Variants in AP3S1 observed in about 807,000 individuals in gnomAD.
AP3S1 encodes adaptor related protein complex 3 subunit sigma 1.
AP3S1 carries 12 observed loss-of-function variants against 21.3 expected under a neutral mutation model. The observed-to-expected ratio is 0.56, with a 90% CI of 0.36 to 0.91. The LOEUF is 0.91. AP3S1 is among the 40% of genes least tolerant of loss of function. AP3S1 has a pLI of 0.01. For synonymous variants in AP3S1, 48 were observed against 78.4 expected, an observed-to-expected ratio of 0.61 and a Z score of 2.05; for missense variants, 116 against 225.0, an observed-to-expected ratio of 0.52 and a Z score of 3.10.
At chr5:115,865,166 G>A (rs75914078) in intron 1 of AP3S1, among the ~76,000 whole-genome samples, 5,011 of 151,888 alleles carry the variant, frequency 0.033, 274 homozygotes, top group African/African-American at 0.11. Context: ...ACCTCTCCTC[G>A]TCCTCTGCTT....
chr5:115,853,217 G>C (rs1762569128), intron 1 of AP3S1, among the ~76,000 whole-genome samples: 1 of 152,108 alleles, frequency 6.6e-6, no homozygotes, highest in African/African-American at 2.4e-5. Flanking sequence ...ACATTTTCCT[G>C]ATGACAGATG....
At chr5:115,882,684 C>G (rs1451062545) in intron 3 of AP3S1, among the ~76,000 whole-genome samples, 2 of 152,070 alleles carry the variant, frequency 1.3e-5, no homozygotes, top group African/African-American at 4.8e-5. Flanking sequence ...GGGTCAGGGA[C>G]CCGCTTGAGG....
intron 3 of AP3S1, among the ~76,000 whole-genome samples, chr5:115,888,342 C>A (rs1279250680): frequency 2.6e-5 from 4 of 151,626 alleles, no homozygotes; most frequent in African/African-American, 9.7e-5. Context: ...AATTTTTCCC[C>A]CTTAATTTCT....
chr5:115,894,840 C>T (rs904853798), intron 3 of AP3S1, among the ~76,000 whole-genome samples: 2 of 152,082 alleles, frequency 1.3e-5, no homozygotes, highest in African/African-American at 4.8e-5. Context: ...CTAAGACTTT[C>T]TAGTTTTAGT....
chr5:115,879,151 A>C (rs1561500560), intron 3 of AP3S1, among the ~76,000 whole-genome samples: 1 of 152,204 alleles, frequency 6.6e-6, no homozygotes, highest in Non-Finnish European at 1.5e-5. Flanking sequence ...AAACAGAGAC[A>C]GTTTGACTTT....
chr5:115,878,482 G>A lies in AP3S1; in HGVS notation c.273+8354G>A, dbSNP rs578014264. 2.7e-3 allele frequency among the ~76,000 whole-genome samples: 415 copies of A among 152,216 alleles called. 3 individuals carry two copies. The highest frequency in any genetic ancestry group is 9.3e-3 in the African/African-American group (387 of 41,522). On this transcript the variant is annotated intron_variant, in intron 3 of 5. Transcript: ENST00000316788. ...TTTTCCCCATTTCTTGTTTTTGTCA[G>A]ATTTACCAAAGGTCAGATGGTTGTA... is the stretch of plus-strand genomic sequence containing the variant.
chr5:115,866,242 C>T (rs1426086457), intron 1 of AP3S1, among the ~76,000 whole-genome samples: 1 of 152,204 alleles, frequency 6.6e-6, no homozygotes, highest in Non-Finnish European at 1.5e-5. Flanking sequence ...AAAGGTTAAA[C>T]TTAATTGGAA....
chr5:115,882,968 G>A (rs888506936), intron 3 of AP3S1, among the ~76,000 whole-genome samples: 8 of 152,194 alleles, frequency 5.3e-5, no homozygotes, highest in Non-Finnish European at 1.2e-4. Context: ...GCTCTGCCCA[G>A]TTTGAACTTC....
At chr5:115,889,343 G>T (rs1261365298) in intron 3 of AP3S1, among the ~76,000 whole-genome samples, 1 of 152,266 alleles carries the variant, frequency 6.6e-6, no homozygotes. Flanking sequence ...ATTCTGATTA[G>T]TAAATCTAAT....
chr5:115,871,879 C>G (rs529292043), intron 3 of AP3S1, among the ~76,000 whole-genome samples: 93 of 152,242 alleles, frequency 6.1e-4, no homozygotes, highest in African/African-American at 2.1e-3. Flanking sequence ...CTTCCCAGTG[C>G]ACAGATAAAA....
intron 3 of AP3S1, among the ~76,000 whole-genome samples, chr5:115,886,422 A>G (rs1036774735): frequency 6.6e-6 from 1 of 152,064 alleles, no homozygotes; most frequent in African/African-American, 2.4e-5. Context: ...AGTCTACTCA[A>G]TGTGAAGACG....
At chr5:115,867,229 A>G (rs1763705723) in intron 2 of AP3S1, among the ~76,000 whole-genome samples, 1 of 152,156 alleles carries the variant, frequency 6.6e-6, no homozygotes, top group Admixed American at 6.5e-5. Flanking sequence ...AAAGCTTTGC[A>G]TAGAAACACA....
intron 4 of AP3S1, among the ~76,000 whole-genome samples, chr5:115,900,254 A>C: frequency 6.6e-6 from 1 of 152,190 alleles, no homozygotes; most frequent in South Asian, 2.1e-4. Context: ...ATATCCACCA[A>C]AAAAGATCAT....
At chr5:115,851,717 T>A (rs1330650591) in intron 1 of AP3S1, among the ~76,000 whole-genome samples, 1 of 152,086 alleles carries the variant, frequency 6.6e-6, no homozygotes, top group Non-Finnish European at 1.5e-5. Flanking sequence ...TAGATATCAG[T>A]CTCCTGTTGT....
At chr5:115,848,604 T>C (rs1762227665) in intron 1 of AP3S1, among the ~76,000 whole-genome samples, 1 of 152,240 alleles carries the variant, frequency 6.6e-6, no homozygotes, top group Admixed American at 6.5e-5. Flanking sequence ...TTGCTAATTT[T>C]TGTTTGAAAG....
At chr5:115,871,743 A>G (rs957719706) in intron 3 of AP3S1, among the ~76,000 whole-genome samples, 7 of 152,050 alleles carry the variant, frequency 4.6e-5, no homozygotes, top group Non-Finnish European at 8.8e-5. Context: ...CCCTTAGCTC[A>G]TTGAGTCCTT....
chr5:115,893,765 A>G (rs947438447), intron 3 of AP3S1, among the ~76,000 whole-genome samples: 1 of 152,212 alleles, frequency 6.6e-6, no homozygotes, highest in Non-Finnish European at 1.5e-5. Flanking sequence ...TAAACTAGGG[A>G]TAGTCCTGGT....
At chr5:115,883,253 A>AG (rs1749468610) in intron 3 of AP3S1, among the ~76,000 whole-genome samples, 1 of 152,160 alleles carries the variant, frequency 6.6e-6, no homozygotes, top group African/African-American at 2.4e-5. Context: ...CTAGGGTATG[A>AG]GAAAAAACTC....
chr5:115,885,747 G>A (rs1241855255), intron 3 of AP3S1, among the ~76,000 whole-genome samples: 3 of 152,088 alleles, frequency 2.0e-5, no homozygotes, highest in South Asian at 2.1e-4. Flanking sequence ...AACCATCACC[G>A]TGTTGAATAC....
Sources: allele counts gnomAD v4.1 joint callset (sites outside exome capture counted in the v4.1 genomes callset), GRCh38; gene constraint gnomAD v4.1.1; transcripts MANE v1.5; gene names NCBI Gene and HGNC (gene_info 2026-07-23, HGNC 2026-07-21).